BCL7B: variants seen among roughly 807,000 people sequenced by gnomAD.
BCL7B encodes BAF chromatin remodeling complex subunit BCL7B.
A neutral mutation model predicts 26.5 loss-of-function variants in BCL7B; 11 were observed. That is an observed-to-expected ratio of 0.42 (90% CI 0.26 to 0.69). BCL7B has a LOEUF of 0.69. Ranked by LOEUF, BCL7B falls within the 30% of genes least tolerant of loss-of-function variation. The pLI is 0.28. For missense variants in BCL7B, 215 were observed against 264.4 expected, an observed-to-expected ratio of 0.81 and a Z score of 1.30; for synonymous variants, 111 against 107.9, an observed-to-expected ratio of 1.03 and a Z score of -0.18.
At chr7:73,543,393 G>A (rs186524452) in intron 3 of BCL7B, among the ~76,000 whole-genome samples, 155 bp downstream of exon 3, 140 of 152,072 alleles carry the variant, frequency 9.2e-4, no homozygotes, top group Middle Eastern at 3.4e-3. Context: ...GGCCAGGCTC[G>A]TCTTGAACTC....
At chr7:73,552,063 A>T (rs1792193540) in intron 2 of BCL7B, 104 bp downstream of exon 2, 1 of 926,980 alleles carries the variant, frequency 1.1e-6, no homozygotes, top group Non-Finnish European at 1.7e-6. Flanking sequence ...ACTGCACTCC[A>T]GCCTGGGTGA....
At chr7:73,554,168 GC>G (rs777936205) in intron 1 of BCL7B, among the ~76,000 whole-genome samples, 181 of 151,802 alleles carry the variant, frequency 1.2e-3, no homozygotes, top group Non-Finnish European at 2.0e-3. Context: ...TCACCATGTT[GC>G]CCAGGTTGAT....
intron 4 of BCL7B, among the ~76,000 whole-genome samples, chr7:73,538,815 TAAAAAAAAAAAA>T (rs1159395373): frequency 1.1e-4 from 10 of 94,572 alleles, no homozygotes; most frequent in South Asian, 6.9e-4. Context: ...CCTATCTCTT[TAAAAAAAAAAAA>T]AAAAAAAAAA....
At chr7:73,548,618 C>G (rs1792043209) in intron 2 of BCL7B, among the ~76,000 whole-genome samples, 1 of 150,700 alleles carries the variant, frequency 6.6e-6, no homozygotes, top group Non-Finnish European at 1.5e-5. Flanking sequence ...CCGTGTCTTA[C>G]AAAATAATAA....
At chr7:73,545,428 T>C (rs1343520030) in intron 2 of BCL7B, among the ~76,000 whole-genome samples, 1 of 152,052 alleles carries the variant, frequency 6.6e-6, no homozygotes, top group African/African-American at 2.4e-5. Flanking sequence ...TTAGCCAGGA[T>C]GGTCTCGATC....
intron 1 of BCL7B, among the ~76,000 whole-genome samples, chr7:73,556,614 A>G (rs1406036889): frequency 3.9e-5 from 6 of 152,212 alleles, no homozygotes; most frequent in African/African-American, 1.4e-4. Flanking sequence ...ACAGGGGCTC[A>G]ATCGGCATCT....
intron 2 of BCL7B, among the ~76,000 whole-genome samples, chr7:73,548,049 C>G (rs1388105184): frequency 6.6e-6 from 1 of 152,052 alleles, no homozygotes; most frequent in East Asian, 1.9e-4. Flanking sequence ...ACCCAGGAGG[C>G]GGAGGCTGCA....
chr7:73,540,580 C>T (rs1707594156), intron 3 of BCL7B: 1 of 156,170 alleles, frequency 6.4e-6, no homozygotes, highest in Admixed American at 6.2e-5. Flanking sequence ...CCTGTAATCC[C>T]AGCACTTTGG....
chr7:73,539,584 T>C, intron 4 of BCL7B: 2 of 326,058 alleles, frequency 6.1e-6, no homozygotes, highest in Admixed American at 4.0e-5. Context: ...GAATGTCCAT[T>C]TTCCTCATCT....
In BCL7B at chr7:73,557,610, C is replaced by G. The variant is rs1222177755; in HGVS notation, c.-32G>C. 13 of 1,228,418 alleles carry G rather than the reference C, an allele frequency of 1.1e-5. No individual in the cohort carries two copies. The highest frequency in any genetic ancestry group is 1.2e-5 in the Non-Finnish European group (12 of 968,640). The allele number at this position is 1,228,418 out of a possible 1,614,324, so 76.1% of individuals were successfully genotyped here. On this transcript the variant is annotated 5_prime_UTR_variant, in exon 1 of 6. Coordinates refer to ENST00000223368, the MANE Select transcript of BCL7B (RefSeq NM_001707.4). The stretch of plus-strand genomic sequence containing the variant: ...GGCGGGAGCGGCGGGGGCCGGGGCA[C>G]TGCTCCCAAGACACCGGGGATCGCG...
chr7:73,550,531 G>A (rs969971222), intron 2 of BCL7B, among the ~76,000 whole-genome samples: 10 of 151,532 alleles, frequency 6.6e-5, no homozygotes, highest in East Asian at 1.9e-4. Flanking sequence ...GCGACAGAGC[G>A]AGAGTCCGTC....
At chr7:73,543,911 T>C (rs1421434030) in intron 2 of BCL7B, 1 of 372,714 alleles carries the variant, frequency 2.7e-6, no homozygotes, top group Non-Finnish European at 5.0e-6. Flanking sequence ...GAACATCCCA[T>C]AGTATCCCTC....
rs200885503 is a variant in BCL7B, at chr7:73,551,951, GGGTGT to G, written c.168+211_168+215del. 3.2e-3 allele frequency among the ~76,000 whole-genome samples: 488 copies of G among 152,016 alleles called. 19 individuals carry two copies. In the East Asian group the frequency reaches 0.085, roughly 27 times the overall value. ...TCTACTAAAAATACAAAAATCAGCTGGGTGTGGTGGCAGATGCCTGTAACCCCAGC... is the reference window on the plus strand; with the variant it reads ...TCTACTAAAAATACAAAAATCAGCTGGGTGGCAGATGCCTGTAACCCCAGC... On this transcript the variant is annotated intron_variant, in intron 2 of 5. Coordinates refer to ENST00000223368, the MANE Select transcript of BCL7B (RefSeq NM_001707.4).
chr7:73,556,366 G>C (rs555028949), intron 1 of BCL7B, among the ~76,000 whole-genome samples: 1 of 152,094 alleles, frequency 6.6e-6, no homozygotes, highest in Non-Finnish European at 1.5e-5. Flanking sequence ...TGTAGAGACG[G>C]GGTCTCACTA....
At chr7:73,549,071 C>G (rs1490651537) in intron 2 of BCL7B, among the ~76,000 whole-genome samples, 1 of 152,110 alleles carries the variant, frequency 6.6e-6, no homozygotes, top group Non-Finnish European at 1.5e-5. Context: ...ACCCTAAGAC[C>G]CAGCCACTTC....
chr7:73,538,108 G>T (rs1554582392), intron 4 of BCL7B, 95 bp from the exon 5 acceptor site: 2 of 703,434 alleles, frequency 2.8e-6, no homozygotes, highest in Non-Finnish European at 4.7e-6. Flanking sequence ...GGCTTGGTGA[G>T]GAGGGGAGAA....
chr7:73,537,157 T>C lies in BCL7B; in HGVS notation c.*141A>G. On this transcript the variant is annotated 3_prime_UTR_variant, in exon 6 of 6. Coordinates refer to ENST00000223368, the MANE Select transcript of BCL7B (RefSeq NM_001707.4). The stretch of plus-strand genomic sequence containing the variant: ...AAGATGATGCTACAGCCCCAAGTCC[T>C]ACGCCAGCCTTCCAGCCCGGAAGGC... 2.8e-6 allele frequency: 2 copies of C among 709,530 alleles called. No homozygotes were observed. The highest frequency in any genetic ancestry group is 4.8e-6 in the Non-Finnish European group (2 of 417,176). 44.0% of individuals were successfully genotyped at this position (709,530 alleles called of 1,614,324 possible). A position where few individuals can be genotyped will look rare whatever the true frequency, so the allele number is the denominator to read the frequency against.
intron 1 of BCL7B, 66 bp downstream of exon 1, chr7:73,557,421 C>T (rs1792415965): frequency 8.1e-7 from 1 of 1,231,428 alleles, no homozygotes; most frequent in Non-Finnish European, 1.0e-6. Flanking sequence ...CCTGACCCGC[C>T]AGTCCCACGC....
chr7:73,551,318 G>A (rs1287962447), intron 2 of BCL7B, among the ~76,000 whole-genome samples: 8 of 152,070 alleles, frequency 5.3e-5, no homozygotes, highest in Admixed American at 6.6e-5. Flanking sequence ...GCTTATTTTC[G>A]AGATGGTGTG....
Sources: gnomAD v4.1 joint callset for allele counts (sites outside exome capture counted in the v4.1 genomes callset) on GRCh38, gnomAD v4.1.1 for gene constraint, MANE v1.5 for transcripts, NCBI Gene and HGNC (gene_info 2026-07-23, HGNC 2026-07-21) for gene names.